The following TEKT5 variants were observed in gnomAD, a reference collection of about 807,000 sequenced individuals.
The protein encoded by TEKT5 is tektin 5, also known as tektin-5.
In TEKT5, 52 loss-of-function variants were observed where a neutral mutation model predicts 48.7. The ratio of observed to expected loss-of-function variants is 1.07; its 90% CI spans 0.86 to 1.35. The LOEUF is 1.35. Among genes scored for constraint, TEKT5 ranks in the 40% most tolerant of loss-of-function variants. The pLI is 0.00. For synonymous variants in TEKT5, 318 were observed against 267.6 expected (o/e 1.19, Z -1.84); for missense variants, 831 against 641.6 (o/e 1.30, Z -3.19).
In TEKT5 at chr16:10,627,511, A is replaced by T; in HGVS notation, c.*72T>A. ...AAAGAAAGTCGGCCCTTTCAAACAAAATACTGTTTTACTTTGTTTCTCAGC... is the reference window on the plus strand; with the variant it reads ...AAAGAAAGTCGGCCCTTTCAAACAATATACTGTTTTACTTTGTTTCTCAGC... On this transcript the variant is annotated 3_prime_UTR_variant, in exon 7 of 7. Coordinates refer to ENST00000283025, the MANE Select transcript of TEKT5 (RefSeq NM_144674.2). The T allele has an allele frequency of 6.6e-7, 1 of 1,515,770 alleles. No individual in the cohort carries two copies. Among genetic ancestry groups the T allele is most frequent in the East Asian group, 2.3e-5 (1 of 43,740 alleles). The allele number at this position is 1,515,770 out of a possible 1,614,324, so 93.9% of individuals were successfully genotyped here.
At chr16:10,649,863 G>A (rs1161772127) in intron 5 of TEKT5, among the ~76,000 whole-genome samples, 1 of 152,160 alleles carries the variant, frequency 6.6e-6, no homozygotes, top group Admixed American at 6.5e-5. Context: ...GATAATGCAG[G>A]TGAGAGAGAA....
At chr16:10,650,278 T>G (rs1424706416) in intron 5 of TEKT5, among the ~76,000 whole-genome samples, 1 of 151,814 alleles carries the variant, frequency 6.6e-6, no homozygotes, top group Non-Finnish European at 1.5e-5. Context: ...TTTTTGTATT[T>G]TTAGTGGAGA....
At chr16:10,637,692 G>T (rs1043710790) in intron 5 of TEKT5, among the ~76,000 whole-genome samples, 12 of 152,364 alleles carry the variant, frequency 7.9e-5, no homozygotes, top group Middle Eastern at 3.4e-3. Context: ...AATCCATCAA[G>T]CTGTAAGCTT....
At chr16:10,650,636 C>G (rs985867985) in intron 5 of TEKT5, among the ~76,000 whole-genome samples, 2 of 152,024 alleles carry the variant, frequency 1.3e-5, no homozygotes, top group East Asian at 3.9e-4. Context: ...GTAATCCCAG[C>G]ACTTTGGGAT....
chr16:10,632,438 T>A (rs565265727), intron 6 of TEKT5, among the ~76,000 whole-genome samples: 1 of 152,142 alleles, frequency 6.6e-6, no homozygotes, highest in Non-Finnish European at 1.5e-5. Context: ...GCTTGGACTA[T>A]AGGCATGCCA....
rs776082797 is a variant in TEKT5 at position 10,675,956 on chromosome 16, C to G, written c.1086+3G>C. 1.2e-6 allele frequency: 2 copies of G among 1,614,032 alleles called. No homozygotes were observed. The highest frequency in any genetic ancestry group is 1.1e-5 in the South Asian group (1 of 91,036). On this transcript the variant is annotated splice_donor_region_variant and intron_variant, in intron 5 of 6. Transcript: ENST00000283025. ...GGCAGGGGTCCTGGGAGGATCTGCT[C>G]ACCTTCGCCAGCTGCGTCTGCAGCT...
intron 4 of TEKT5, among the ~76,000 whole-genome samples, chr16:10,681,384 T>C (rs1419742401): frequency 1.0e-5 from 1 of 99,200 alleles, no homozygotes; most frequent in Non-Finnish European, 2.0e-5. Context: ...TCTGTCTCTC[T>C]CTCTCTCTCT....
rs895699680 is a variant in TEKT5, at chr16:10,666,934, G to A, written c.1086+9025C>T. On this transcript the variant is annotated intron_variant, in intron 5 of 6. Coordinates refer to ENST00000283025, the MANE Select transcript of TEKT5 (RefSeq NM_144674.2). The stretch of plus-strand genomic sequence containing the variant: ...GGGTAACTATTCTGCCAGGGATTCC[G>A]ATGAAATGAACTAAACTTCATTCAG... Among the ~76,000 whole-genome samples, 16 of 151,258 alleles carry A rather than the reference G, an allele frequency of 1.1e-4. No homozygotes were observed. The East Asian group carries it at 2.1e-3, about 20-fold the overall frequency.
intron 5 of TEKT5, among the ~76,000 whole-genome samples, chr16:10,643,537 CATATGGCTGTTAAGCCCTTG>C (rs1363710482): frequency 6.6e-6 from 1 of 152,204 alleles, no homozygotes; most frequent in Non-Finnish European, 1.5e-5. Context: ...CCGAGGGCCA[CATATGGCTGTTAAGCCCTTG>C]AATGTGGCTA....
intron 3 of TEKT5, 146 bp downstream of exon 3, chr16:10,689,107 G>A (rs1898917662): frequency 3.5e-6 from 2 of 565,826 alleles, no homozygotes; most frequent in East Asian, 3.1e-5. Context: ...TTTCCTAGAA[G>A]GCTGGTTGTT....
intron 5 of TEKT5, among the ~76,000 whole-genome samples, chr16:10,637,723 C>A (rs1234149456): frequency 2.6e-5 from 4 of 152,210 alleles, no homozygotes; most frequent in African/African-American, 9.7e-5. Context: ...GATGCCTCAA[C>A]AGAAAATACA....
intron 5 of TEKT5, among the ~76,000 whole-genome samples, chr16:10,641,555 C>T (rs1054983483): frequency 6.6e-6 from 1 of 152,204 alleles, no homozygotes; most frequent in Non-Finnish European, 1.5e-5. Flanking sequence ...CGTGGTAGCT[C>T]ATGCCTATAA....
At chr16:10,633,955 C>T (rs918227795) in intron 6 of TEKT5, among the ~76,000 whole-genome samples, 3 of 152,118 alleles carry the variant, frequency 2.0e-5, no homozygotes, top group Non-Finnish European at 4.4e-5. Flanking sequence ...ATCGCTTGGG[C>T]ACCACCCAAC....
At chr16:10,644,096 C>T (rs1183873667) in intron 5 of TEKT5, among the ~76,000 whole-genome samples, 1 of 152,160 alleles carries the variant, frequency 6.6e-6, no homozygotes, top group African/African-American at 2.4e-5. Context: ...CTTTTTCAAG[C>T]AGCTACTAGA....
chr16:10,679,379 C>T lies in TEKT5; in HGVS notation c.863+2614G>A, dbSNP rs576536349. On this transcript the variant is annotated intron_variant, in intron 4 of 6. Coordinates refer to ENST00000283025, the MANE Select transcript of TEKT5 (RefSeq NM_144674.2). ...GGCTGAGGCAGGAGAATCACTTGAA[C>T]CTGGGAGGCAGAGGTTGCAGTGAGC... Among the ~76,000 whole-genome samples, 10 of 151,070 alleles carry T rather than the reference C, an allele frequency of 6.6e-5. No homozygotes were observed. The South Asian group carries it at 1.9e-3, about 28-fold the overall frequency.
chr16:10,639,591 G>A (rs62025771), intron 5 of TEKT5, among the ~76,000 whole-genome samples: 16,539 of 152,212 alleles, frequency 0.11, 1,022 homozygotes, highest in African/African-American at 0.15. Flanking sequence ...AGAGTCCCTA[G>A]CACATACTAA....
At chr16:10,681,641 C>T (rs560773420) in intron 4 of TEKT5, among the ~76,000 whole-genome samples, 10 of 150,074 alleles carry the variant, frequency 6.7e-5, no homozygotes, top group East Asian at 1.9e-4. Context: ...AGTGGCTGTG[C>T]GACCCTCACT....
At chr16:10,663,845 C>T (rs886299134) in intron 5 of TEKT5, among the ~76,000 whole-genome samples, 9 of 152,318 alleles carry the variant, frequency 5.9e-5, no homozygotes, top group Non-Finnish European at 8.8e-5. Context: ...GGTTGGGAAC[C>T]ACTACTCCAG....
At chr16:10,663,571 G>C (rs1219364365) in intron 5 of TEKT5, among the ~76,000 whole-genome samples, 1 of 152,170 alleles carries the variant, frequency 6.6e-6, no homozygotes, top group Non-Finnish European at 1.5e-5. Flanking sequence ...GAGAGAAAGA[G>C]GAGAGGAGCG....
Sources: allele counts gnomAD v4.1 joint callset (sites outside exome capture counted in the v4.1 genomes callset), GRCh38; gene constraint gnomAD v4.1.1; transcripts MANE v1.5; gene names NCBI Gene and HGNC (gene_info 2026-07-23, HGNC 2026-07-21).